Variants in CXCL13 observed in about 807,000 individuals in gnomAD.
The protein encoded by CXCL13 is C-X-C motif chemokine 13.
CXCL13 carries 7 observed loss-of-function variants against 12.2 expected under a neutral mutation model. The observed-to-expected ratio is 0.57, with a 90% confidence interval of 0.33 to 1.07. The LOEUF (loss-of-function observed/expected upper bound fraction) is 1.07. CXCL13 is among the 50% of genes least tolerant of loss of function. The pLI, the probability that CXCL13 is intolerant of heterozygous loss-of-function variation, is 0.04. For synonymous variants in CXCL13, 47 were observed against 42.4 expected (o/e 1.11, Z -0.42); for missense variants, 113 against 127.4 (o/e 0.89, Z 0.55).
intron 1 of CXCL13, among the ~76,000 whole-genome samples, chr4:77,573,148 C>A (rs931068194): frequency 6.6e-6 from 1 of 151,722 alleles, no homozygotes; most frequent in Non-Finnish European, 1.5e-5. Context: ...AGACTTAATA[C>A]CTGGATGTTG....
chr4:77,521,876 C>T (rs1168806843), intron 1 of CXCL13, among the ~76,000 whole-genome samples: 2 of 152,130 alleles, frequency 1.3e-5, no homozygotes, highest in South Asian at 2.1e-4. Flanking sequence ...CTACACACTG[C>T]TTTAAATGTG....
intron 1 of CXCL13, among the ~76,000 whole-genome samples, chr4:77,559,823 G>A (rs529823661): frequency 2.0e-3 from 308 of 151,718 alleles, no homozygotes; most frequent in African/African-American, 6.3e-3. Context: ...TCAGGAGGCT[G>A]AGGCAGGAGA....
At chr4:77,515,012 G>A (rs1724379035) in intron 1 of CXCL13, among the ~76,000 whole-genome samples, 2 of 152,164 alleles carry the variant, frequency 1.3e-5, no homozygotes, top group East Asian at 3.9e-4. Context: ...TCCAGTTTCA[G>A]CTTTCTACAT....
intron 1 of CXCL13, among the ~76,000 whole-genome samples, chr4:77,570,090 G>A (rs1386280547): frequency 6.6e-6 from 1 of 152,150 alleles, no homozygotes; most frequent in African/African-American, 2.4e-5. Flanking sequence ...GACTGAAACT[G>A]GACCCCTTCC....
chr4:77,544,564 A>G (rs556194750), intron 1 of CXCL13, among the ~76,000 whole-genome samples: 2 of 152,278 alleles, frequency 1.3e-5, no homozygotes, highest in South Asian at 2.1e-4. Flanking sequence ...GTGTCTGTTC[A>G]TATTCTTTGC....
intron 1 of CXCL13, among the ~76,000 whole-genome samples, chr4:77,546,383 T>C (rs546682658): frequency 8.5e-5 from 13 of 152,284 alleles, no homozygotes; most frequent in African/African-American, 2.9e-4. Flanking sequence ...GGTCCTGGAC[T>C]TTTTTGGTTG....
intron 1 of CXCL13, among the ~76,000 whole-genome samples, chr4:77,565,927 G>C (rs931202946): frequency 6.6e-6 from 1 of 152,208 alleles, no homozygotes; most frequent in Admixed American, 6.5e-5. Flanking sequence ...CACAAAGGTA[G>C]CAATAGCATA....
upstream of CXCL13, among the ~76,000 whole-genome samples, chr4:77,605,077 A>G (rs1298582175): frequency 6.6e-6 from 1 of 152,160 alleles, no homozygotes; most frequent in Non-Finnish European, 1.5e-5. Context: ...CCTCTAATGC[A>G]GTTCTAATGA....
At chr4:77,559,276 AAGG>A (rs572140343) in intron 1 of CXCL13, among the ~76,000 whole-genome samples, 239 of 152,316 alleles carry the variant, frequency 1.6e-3, no homozygotes, top group African/African-American at 5.5e-3. Flanking sequence ...GAGGGGAAAG[AAGG>A]AGACTGGGCA....
intron 1 of CXCL13, among the ~76,000 whole-genome samples, chr4:77,564,080 A>G (rs528464643): frequency 6.6e-6 from 1 of 152,278 alleles, no homozygotes; most frequent in Admixed American, 6.5e-5. Context: ...TTTATTTTGC[A>G]CCAGATCCTG....
Position 77,547,962 on chromosome 4 carries a change from T to C in CXCL13, c.-43+36174T>C, listed in dbSNP as rs576639700. Among the ~76,000 whole-genome samples, 4 of 152,284 alleles carry C rather than the reference T, an allele frequency of 2.6e-5. No individual in the cohort carries two copies. The South Asian group carries it at 6.2e-4, about 24-fold the overall frequency. ...AAATTTCTCAGCATTTGCTTGTCTG[T>C]ACAGGATTTTATATCTCATTTGTTT... On this transcript the variant is annotated intron_variant, in intron 1 of 4. Coordinates refer to the CXCL13 transcript ENST00000286758.
At position 77,596,164 on chromosome 4, in the gene CXCL13, TA is replaced by T. The variant is rs1726744635; in HGVS notation, c.-42-9658del. On this transcript the variant is annotated intron_variant, in intron 1 of 4. Transcript: ENST00000286758. ...TTTTCCTGTTGTCCCGGAAGGGAGC[TA>T]AGATCTAAAGCTGACAAGCAAAAAC... Among the ~76,000 whole-genome samples, 3 of 152,198 alleles carry T rather than the reference TA, an allele frequency of 2.0e-5. No individual in the cohort carries two copies. The South Asian group carries it at 6.2e-4, about 32-fold the overall frequency.
At chr4:77,538,339 T>A (rs533941109) in intron 1 of CXCL13, among the ~76,000 whole-genome samples, 1 of 152,064 alleles carries the variant, frequency 6.6e-6, no homozygotes, top group Admixed American at 6.6e-5. Context: ...TGGTTTGGTT[T>A]TTTTTTTAAT....
At chr4:77,588,954 C>A (rs952201602) in intron 1 of CXCL13, among the ~76,000 whole-genome samples, 1 of 152,190 alleles carries the variant, frequency 6.6e-6, no homozygotes, top group Non-Finnish European at 1.5e-5. Flanking sequence ...ATGGTTGAAG[C>A]AGTTTCCTCT....
intron 1 of CXCL13, among the ~76,000 whole-genome samples, chr4:77,570,767 C>A (rs892084434): frequency 6.7e-6 from 1 of 149,418 alleles, no homozygotes; most frequent in Non-Finnish European, 1.5e-5. Context: ...AGCGGTCGGC[C>A]GGCCCTGCCG....
intron 1 of CXCL13, among the ~76,000 whole-genome samples, chr4:77,547,588 A>G (rs946380261): frequency 2.0e-5 from 3 of 151,994 alleles, no homozygotes; most frequent in Admixed American, 1.3e-4. Flanking sequence ...TTTTCTTGGT[A>G]GATCTTCCTC....
chr4:77,562,982 C>G (rs111726736), intron 1 of CXCL13, among the ~76,000 whole-genome samples: 3,659 of 152,192 alleles, frequency 0.024, 155 homozygotes, highest in African/African-American at 0.083. Flanking sequence ...CCCTTCCACA[C>G]TGTGGAAGCT....
intron 1 of CXCL13, among the ~76,000 whole-genome samples, chr4:77,589,661 A>G (rs1432416571): frequency 6.6e-6 from 1 of 152,178 alleles, no homozygotes; most frequent in Admixed American, 6.5e-5. Flanking sequence ...GGGGACTACT[A>G]TCTACCAAAG....
chr4:77,606,649 T>G (rs930265562), intron 1 of CXCL13, among the ~76,000 whole-genome samples: 8 of 152,238 alleles, frequency 5.3e-5, no homozygotes, highest in Non-Finnish European at 8.8e-5. Flanking sequence ...TCTTGCATTC[T>G]CCACGGGGCT....
Sources: allele counts gnomAD v4.1 joint callset (sites outside exome capture counted in the v4.1 genomes callset), GRCh38; gene constraint gnomAD v4.1.1; transcripts MANE v1.5; gene names NCBI Gene and HGNC (gene_info 2026-07-23, HGNC 2026-07-21).